The following CSGALNACT1 variants were observed in gnomAD, a reference collection of about 807,000 sequenced individuals.
CSGALNACT1 encodes chondroitin sulfate N-acetylgalactosaminyltransferase 1.
A neutral mutation model predicts 51.0 loss-of-function variants in CSGALNACT1; 52 were observed. The ratio of observed to expected loss-of-function variants is 1.02; its 90% CI spans 0.82 to 1.29. CSGALNACT1 has a LOEUF of 1.29. CSGALNACT1 is among the 50% of genes most tolerant of loss of function. CSGALNACT1 has a pLI of 0.00. For synonymous variants in CSGALNACT1, 341 were observed against 254.4 expected (o/e 1.34, Z -3.24); for missense variants, 935 against 679.2 (o/e 1.38, Z -4.19).
At chr8:19,649,159 T>C (rs1192491192) in intron 1 of CSGALNACT1, among the ~76,000 whole-genome samples, 1 of 152,190 alleles carries the variant, frequency 6.6e-6, no homozygotes, top group African/African-American at 2.4e-5. Context: ...GATTCTAATA[T>C]TCCCATTTTG....
intron 1 of CSGALNACT1, among the ~76,000 whole-genome samples, chr8:19,654,399 A>G (rs1017860407): frequency 6.6e-6 from 1 of 152,304 alleles, no homozygotes; most frequent in Non-Finnish European, 1.5e-5. Context: ...GACGCACTGG[A>G]AAGAGAAAAG....
intron 4 of CSGALNACT1, among the ~76,000 whole-genome samples, chr8:19,465,798 G>A (rs1288882048): frequency 6.6e-6 from 1 of 152,204 alleles, no homozygotes; most frequent in Non-Finnish European, 1.5e-5. Context: ...GAGACCCAGA[G>A]AAGATGTGAT....
chr8:19,636,174 C>T (rs1423280112), intron 1 of CSGALNACT1, among the ~76,000 whole-genome samples: 1 of 152,138 alleles, frequency 6.6e-6, no homozygotes, highest in Non-Finnish European at 1.5e-5. Flanking sequence ...GAGTACAATA[C>T]AATAAGGTAT....
intron 8 of CSGALNACT1, among the ~76,000 whole-genome samples, chr8:19,418,192 C>T (rs1426455929): frequency 2.0e-5 from 3 of 152,144 alleles, no homozygotes; most frequent in Non-Finnish European, 4.4e-5. Flanking sequence ...ACTGGGAGCA[C>T]ACTGGGAGTT....
intron 1 of CSGALNACT1, among the ~76,000 whole-genome samples, chr8:19,620,995 C>T (rs552477967): frequency 1.2e-4 from 19 of 152,058 alleles, no homozygotes; most frequent in East Asian, 1.9e-4. Context: ...AACTTAACAC[C>T]GTAAAAATGT....
chr8:19,590,640 C>CTTTT (rs34859554), intron 3 of CSGALNACT1, among the ~76,000 whole-genome samples: 735 of 68,996 alleles, frequency 0.011, 122 homozygotes, highest in African/African-American at 0.038. Context: ...GACCTAACTA[C>CTTTT]TTTTTTTTTT....
chr8:19,528,212 G>C (rs1015459019), intron 3 of CSGALNACT1, among the ~76,000 whole-genome samples: 2 of 151,486 alleles, frequency 1.3e-5, no homozygotes, highest in Admixed American at 1.3e-4. Context: ...CTCCAAATTA[G>C]CCAATATTTG....
chr8:19,445,342 G>T (rs760422797), intron 5 of CSGALNACT1, among the ~76,000 whole-genome samples: 2 of 152,210 alleles, frequency 1.3e-5, no homozygotes, highest in Non-Finnish European at 2.9e-5. Context: ...TCAGGAGAGG[G>T]TCACCTGCTA....
At chr8:19,524,685 T>A (rs1051993140) in intron 3 of CSGALNACT1, among the ~76,000 whole-genome samples, 1 of 152,142 alleles carries the variant, frequency 6.6e-6, no homozygotes, top group Non-Finnish European at 1.5e-5. Flanking sequence ...TAATAAACAT[T>A]GCTTATCCCT....
At chr8:19,554,697 C>T (rs61309921) in intron 3 of CSGALNACT1, among the ~76,000 whole-genome samples, 15,025 of 152,042 alleles carry the variant, frequency 0.099, 807 homozygotes, top group East Asian at 0.14. Context: ...GCCAGTGAAT[C>T]ACCTGAGGTC....
chr8:19,458,749 G>T, intron 4 of CSGALNACT1, 107 bp from the exon 4 acceptor site: 1 of 1,039,752 alleles, frequency 9.6e-7, no homozygotes, highest in Non-Finnish European at 1.5e-6. Flanking sequence ...TGTTTAAGAT[G>T]AAATCTCTCC....
intron 1 of CSGALNACT1, among the ~76,000 whole-genome samples, chr8:19,681,367 G>C (rs879553411): frequency 1.3e-5 from 2 of 152,128 alleles, no homozygotes; most frequent in Non-Finnish European, 2.9e-5. Context: ...GGGAGAGAGA[G>C]GCAAAGGGGG....
intron 1 of CSGALNACT1, among the ~76,000 whole-genome samples, chr8:19,725,474 G>C (rs1247574217): frequency 6.7e-6 from 1 of 148,186 alleles, no homozygotes; most frequent in East Asian, 2.0e-4. Flanking sequence ...GCCCAGTCTG[G>C]AGTGCAGTGG....
chr8:19,608,738 C>G (rs1234517242), intron 1 of CSGALNACT1, among the ~76,000 whole-genome samples: 1 of 152,184 alleles, frequency 6.6e-6, no homozygotes, highest in Non-Finnish European at 1.5e-5. Context: ...TCTGCCAAGT[C>G]TCTGTATTTC....
intron 1 of CSGALNACT1, among the ~76,000 whole-genome samples, chr8:19,628,253 A>G (rs1389597088): frequency 6.6e-6 from 1 of 152,216 alleles, no homozygotes; most frequent in Non-Finnish European, 1.5e-5. Context: ...GGGAGGCCTC[A>G]GGAAACTTGT....
At chr8:19,720,928 G>A (rs1486233046) in intron 1 of CSGALNACT1, among the ~76,000 whole-genome samples, 1 of 152,300 alleles carries the variant, frequency 6.6e-6, no homozygotes, top group East Asian at 1.9e-4. Flanking sequence ...CTGTGCAGAG[G>A]CCCTGAGACC....
At chr8:19,571,880 G>T (rs1005385219) in intron 3 of CSGALNACT1, among the ~76,000 whole-genome samples, 1 of 152,194 alleles carries the variant, frequency 6.6e-6, no homozygotes, top group African/African-American at 2.4e-5. Flanking sequence ...AGAAGTTACT[G>T]TAAGTTTTCT....
intron 1 of CSGALNACT1, among the ~76,000 whole-genome samples, chr8:19,655,904 T>C (rs1204241509): frequency 1.3e-5 from 2 of 152,176 alleles, no homozygotes; most frequent in Non-Finnish European, 2.9e-5. Context: ...TTGTGATCAA[T>C]GTGCCACTAC....
intron 5 of CSGALNACT1, 87 bp downstream of exon 4, chr8:19,458,339 G>A (rs1394236142): frequency 6.4e-6 from 7 of 1,093,252 alleles, no homozygotes; most frequent in African/African-American, 4.6e-5. Flanking sequence ...GTACTCGGCA[G>A]GGGAAATGAA....
Sources: allele counts gnomAD v4.1 joint callset (sites outside exome capture counted in the v4.1 genomes callset), GRCh38; gene constraint gnomAD v4.1.1; transcripts MANE v1.5; gene names NCBI Gene and HGNC (gene_info 2026-07-23, HGNC 2026-07-21).